Variants in LRRTM4 observed in about 807,000 individuals in gnomAD.
LRRTM4 encodes the protein leucine-rich repeat transmembrane neuronal protein 4.
A neutral mutation model predicts 47.6 loss-of-function variants in LRRTM4; 25 were observed. The ratio of observed to expected loss-of-function variants is 0.53; its 90% CI spans 0.38 to 0.73. The LOEUF (loss-of-function observed/expected upper bound fraction) is 0.73, where lower values mean the gene tolerates loss of function less well. Ranked by LOEUF, LRRTM4 falls within the 30% of genes least tolerant of loss-of-function variation. The pLI is 0.00. For synonymous variants in LRRTM4, 311 were observed against 269.5 expected (o/e 1.15, Z -1.51); for missense variants, 638 against 713.4 (o/e 0.89, Z 1.20).
chr2:77,232,309 A>G (rs1036901118), intron 3 of LRRTM4, among the ~76,000 whole-genome samples: 56 of 152,340 alleles, frequency 3.7e-4, no homozygotes, highest in African/African-American at 1.3e-3. Flanking sequence ...ACAGAGATTC[A>G]TTATTTATAC....
intron 3 of LRRTM4, among the ~76,000 whole-genome samples, chr2:76,900,209 A>C (rs866525940): frequency 6.6e-6 from 1 of 152,094 alleles, no homozygotes; most frequent in Non-Finnish European, 1.5e-5. Flanking sequence ...ACTCCAGTCT[A>C]GGTGACAGAG....
At chr2:76,889,334 A>G (rs564112251) in intron 3 of LRRTM4, among the ~76,000 whole-genome samples, 1 of 152,008 alleles carries the variant, frequency 6.6e-6, no homozygotes, top group Non-Finnish European at 1.5e-5. Flanking sequence ...TGAGTTACAC[A>G]TATTTTTATA....
chr2:77,367,854 C>T (rs1672518597), intron 3 of LRRTM4, among the ~76,000 whole-genome samples: 1 of 151,762 alleles, frequency 6.6e-6, no homozygotes, highest in African/African-American at 2.4e-5. Context: ...TTGTTGATTA[C>T]AAGATTCTGT....
At chr2:76,959,914 T>C (rs530398121) in intron 3 of LRRTM4, among the ~76,000 whole-genome samples, 1 of 151,770 alleles carries the variant, frequency 6.6e-6, no homozygotes, top group African/African-American at 2.4e-5. Flanking sequence ...ACAAGTATGC[T>C]GGTCATTATT....
At chr2:76,947,632 G>A (rs772205955) in intron 3 of LRRTM4, among the ~76,000 whole-genome samples, 26 of 151,644 alleles carry the variant, frequency 1.7e-4, no homozygotes, top group Non-Finnish European at 2.7e-4. Flanking sequence ...CATACAAATA[G>A]ACATTTGTAT....
intron 3 of LRRTM4, among the ~76,000 whole-genome samples, chr2:77,493,917 A>C (rs1340024246): frequency 6.6e-6 from 1 of 152,156 alleles, no homozygotes; most frequent in Non-Finnish European, 1.5e-5. Context: ...CAAAATACTT[A>C]ATATTTAATA....
chr2:77,170,398 T>A (rs1053177399), intron 3 of LRRTM4, among the ~76,000 whole-genome samples: 1 of 152,122 alleles, frequency 6.6e-6, no homozygotes, highest in African/African-American at 2.4e-5. Context: ...CATAAGGAAC[T>A]AGATTCTGCC....
intron 3 of LRRTM4, among the ~76,000 whole-genome samples, chr2:77,352,113 T>C (rs999888130): frequency 6.6e-6 from 1 of 152,170 alleles, no homozygotes; most frequent in South Asian, 2.1e-4. Flanking sequence ...ATTCTATTAT[T>C]ATAGGACAAC....
At chr2:77,321,557 G>C (rs577528803) in intron 3 of LRRTM4, among the ~76,000 whole-genome samples, 2 of 111,222 alleles carry the variant, frequency 1.8e-5, no homozygotes, top group East Asian at 2.5e-4. Context: ...CGGGGAGGGG[G>C]GGGGGTGTGT....
intron 3 of LRRTM4, among the ~76,000 whole-genome samples, chr2:77,135,732 T>A (rs73940360): frequency 0.085 from 12,971 of 152,134 alleles, 1,289 homozygotes; most frequent in East Asian, 0.23. Context: ...TGAATTTATT[T>A]TGAAACATTG....
chr2:77,335,496 C>G (rs969733084), intron 3 of LRRTM4, among the ~76,000 whole-genome samples: 1 of 152,130 alleles, frequency 6.6e-6, no homozygotes, highest in African/African-American at 2.4e-5. Flanking sequence ...TCTTTAAGTA[C>G]GTTCTCAAGT....
At chr2:77,034,193 T>C (rs1398284167) in intron 3 of LRRTM4, among the ~76,000 whole-genome samples, 1 of 151,846 alleles carries the variant, frequency 6.6e-6, no homozygotes. Flanking sequence ...ATTGTTTAAT[T>C]TTAATAAACT....
intron 3 of LRRTM4, among the ~76,000 whole-genome samples, chr2:76,901,197 C>G (rs1573282595): frequency 6.6e-6 from 1 of 152,076 alleles, no homozygotes; most frequent in Non-Finnish European, 1.5e-5. Context: ...AATGCTCTCC[C>G]TCCCCCATCC....
chr2:76,835,914 C>A (rs1421688448), intron 3 of LRRTM4, among the ~76,000 whole-genome samples: 1 of 151,888 alleles, frequency 6.6e-6, no homozygotes, highest in Non-Finnish European at 1.5e-5. Context: ...ATCCACAGGA[C>A]TATTTTAATT....
intron 3 of LRRTM4, among the ~76,000 whole-genome samples, chr2:76,992,226 A>G (rs1436646062): frequency 2.0e-5 from 3 of 151,854 alleles, no homozygotes; most frequent in African/African-American, 7.2e-5. Context: ...GAATTGAAAC[A>G]AGACAAGGAT....
At chr2:76,806,437 A>C (rs1176194666) in intron 3 of LRRTM4, among the ~76,000 whole-genome samples, 2 of 151,938 alleles carry the variant, frequency 1.3e-5, no homozygotes, top group Non-Finnish European at 2.9e-5. Flanking sequence ...CAAAATTAGC[A>C]GGGCGTGGTA....
intron 3 of LRRTM4, among the ~76,000 whole-genome samples, chr2:76,771,134 T>G (rs974197505): frequency 2.6e-5 from 4 of 151,122 alleles, no homozygotes; most frequent in African/African-American, 9.8e-5. Flanking sequence ...TGAAAAAAAC[T>G]TTTTACAAGG....
intron 3 of LRRTM4, among the ~76,000 whole-genome samples, chr2:77,105,024 C>T (rs2103919696): frequency 6.6e-6 from 1 of 151,056 alleles, no homozygotes; most frequent in Admixed American, 6.6e-5. Flanking sequence ...TTTGAGAATT[C>T]TTCAATGAGC....
intron 3 of LRRTM4, among the ~76,000 whole-genome samples, chr2:77,206,674 G>C (rs1263469677): frequency 1.3e-5 from 2 of 151,798 alleles, no homozygotes; most frequent in Non-Finnish European, 2.9e-5. Context: ...AGTAGAGATG[G>C]GGTTTCAACA....
Sources: gnomAD v4.1 joint callset for allele counts (sites outside exome capture counted in the v4.1 genomes callset) on GRCh38, gnomAD v4.1.1 for gene constraint, MANE v1.5 for transcripts, NCBI Gene and HGNC (gene_info 2026-07-23, HGNC 2026-07-21) for gene names.